The following VPS50 variants were observed in gnomAD, a reference collection of about 807,000 sequenced individuals.
The protein encoded by VPS50 is VPS50 subunit of EARP/GARPII complex.
A neutral mutation model predicts 139.7 loss-of-function variants in VPS50; 70 were observed. That is an observed-to-expected ratio of 0.50 (90% CI 0.41 to 0.61). VPS50 has a LOEUF of 0.61. Ranked by LOEUF, VPS50 falls within the 20% of genes least tolerant of loss-of-function variation. The pLI is 0.00. For missense variants in VPS50, 921 were observed against 1,133.7 expected (o/e 0.81, Z 2.69); for synonymous variants, 365 against 376.7 (o/e 0.97, Z 0.36).
At chr7:93,237,147 G>A (rs1794833332) in intron 1 of VPS50, among the ~76,000 whole-genome samples, 1 of 149,468 alleles carries the variant, frequency 6.7e-6, no homozygotes, top group African/African-American at 2.5e-5. Context: ...TAGTAGAGAC[G>A]GGGTTTCACT....
At position 93,252,648 on chromosome 7, in the gene VPS50, TAAAG is replaced by T; in HGVS notation, c.103-4_103-1del. 6.3e-7 allele frequency: 1 copy of T among 1,582,064 alleles called. No homozygotes were observed. The highest frequency in any genetic ancestry group is 1.4e-5 in the African/African-American group (1 of 73,586). ...TACTATAATTGTGATTTTTTTTTCT[TAAAG>T]GAAGAATTCAGGGAACTTCGAGAAC... On this transcript the variant is annotated splice_acceptor_variant and splice_polypyrimidine_tract_variant and intron_variant, in intron 2 of 27. Coordinates refer to ENST00000305866, the MANE Select transcript of VPS50 (RefSeq NM_017667.4). LOFTEE classifies it high-confidence loss of function.
chr7:93,258,594 T>A (rs1795564705), intron 8 of VPS50, among the ~76,000 whole-genome samples: 1 of 152,078 alleles, frequency 6.6e-6, no homozygotes, highest in Non-Finnish European at 1.5e-5. Flanking sequence ...GAAAAGCAAA[T>A]GTATTTGGGA....
At chr7:93,246,843 C>A (rs1795171155) in intron 2 of VPS50, among the ~76,000 whole-genome samples, 1 of 151,644 alleles carries the variant, frequency 6.6e-6, no homozygotes. Flanking sequence ...TAGCCTAGTT[C>A]CTTAGAAACC....
intron 2 of VPS50, among the ~76,000 whole-genome samples, chr7:93,242,805 T>A (rs1795034770): frequency 6.6e-6 from 1 of 151,858 alleles, no homozygotes; most frequent in Non-Finnish European, 1.5e-5. Context: ...TAGGTTAGTT[T>A]GGGTTCTGTT....
intron 21 of VPS50, among the ~76,000 whole-genome samples, chr7:93,331,775 A>G (rs184497177): frequency 6.1e-4 from 93 of 152,348 alleles, no homozygotes; most frequent in Middle Eastern, 3.4e-3. Flanking sequence ...CTAAAGAGGT[A>G]GAAATACGAA....
chr7:93,308,538 C>G (rs181783689), intron 18 of VPS50, among the ~76,000 whole-genome samples: 3 of 151,690 alleles, frequency 2.0e-5, no homozygotes. Context: ...AATGTATACT[C>G]TTTAGGCCTA....
chr7:93,312,490 A>G (rs757782943), intron 20 of VPS50, among the ~76,000 whole-genome samples: 15 of 152,176 alleles, frequency 9.9e-5, no homozygotes, highest in African/African-American at 3.6e-4. Context: ...TTCTATCATT[A>G]GACTGATCTC....
chr7:93,238,313 A>G (rs1422364997), intron 1 of VPS50, among the ~76,000 whole-genome samples: 1 of 149,474 alleles, frequency 6.7e-6, no homozygotes, highest in Non-Finnish European at 1.5e-5. Flanking sequence ...TTTTTTTTCC[A>G]GCGAGCATTC....
chr7:93,336,223 A>G (rs906092732), intron 22 of VPS50, among the ~76,000 whole-genome samples: 37 of 152,202 alleles, frequency 2.4e-4, no homozygotes, highest in Non-Finnish European at 5.1e-4. Flanking sequence ...TTTTTTGGTA[A>G]TTTTATTTTC....
At chr7:93,304,975 A>G (rs929528860) in intron 17 of VPS50, among the ~76,000 whole-genome samples, 11 of 151,960 alleles carry the variant, frequency 7.2e-5, no homozygotes, top group African/African-American at 2.7e-4. Flanking sequence ...ACAACAAGCC[A>G]ATGTACCTTT....
At chr7:93,347,467 C>G (rs1477964484) in intron 23 of VPS50, among the ~76,000 whole-genome samples, 2 of 110,116 alleles carry the variant, frequency 1.8e-5, no homozygotes, top group East Asian at 3.4e-4. Flanking sequence ...CCAGCCATCC[C>G]ATTACTGGGT....
intron 15 of VPS50, 68 bp downstream of exon 15, chr7:93,296,904 G>A: frequency 6.6e-7 from 1 of 1,506,212 alleles, no homozygotes; most frequent in Non-Finnish European, 8.8e-7. Context: ...ATGAGCTAGT[G>A]AGTTATCATC....
intron 1 of VPS50, among the ~76,000 whole-genome samples, chr7:93,237,641 A>C: frequency 6.6e-6 from 1 of 152,230 alleles, no homozygotes; most frequent in Non-Finnish European, 1.5e-5. Context: ...AAGCAAATCT[A>C]TACAGATGGT....
chr7:93,258,010 C>T, intron 6 of VPS50, 149 bp from the exon 7 acceptor site: 2 of 561,184 alleles, frequency 3.6e-6, no homozygotes, highest in East Asian at 3.0e-5. Context: ...TTTAGACTGG[C>T]CATTGAGTAC....
At chr7:93,333,959 T>A in intron 21 of VPS50, 158 bp from the exon 22 acceptor site, 1 of 590,354 alleles carries the variant, frequency 1.7e-6, no homozygotes, top group South Asian at 2.0e-5. Context: ...GAGATTTGAC[T>A]CCTTTGTTTG....
intron 22 of VPS50, among the ~76,000 whole-genome samples, chr7:93,336,670 C>T (rs1447801108): frequency 5.0e-4 from 76 of 152,208 alleles, no homozygotes; most frequent in Admixed American, 4.6e-3. Flanking sequence ...GTCACCACCA[C>T]GCCCGGCTAG....
chr7:93,299,642 T>C (rs1349004826), intron 16 of VPS50, among the ~76,000 whole-genome samples: 1 of 152,146 alleles, frequency 6.6e-6, no homozygotes, highest in Non-Finnish European at 1.5e-5. Flanking sequence ...TGGTGGAACA[T>C]CTACTTATGA....
At chr7:93,323,558 C>T in intron 20 of VPS50, 53 bp from the exon 21 acceptor site, 1 of 703,770 alleles carries the variant, frequency 1.4e-6, no homozygotes, top group Non-Finnish European at 2.1e-6. Context: ...TAATTATAGA[C>T]TAACAGATTT....
At chr7:93,254,068 C>G (rs896835473) in intron 4 of VPS50, 137 bp downstream of exon 4, 3 of 483,262 alleles carry the variant, frequency 6.2e-6, no homozygotes, top group Non-Finnish European at 1.1e-5. Flanking sequence ...ATGACTGATT[C>G]AAATGATGCA....
Sources: allele counts gnomAD v4.1 joint callset (sites outside exome capture counted in the v4.1 genomes callset), GRCh38; gene constraint gnomAD v4.1.1; transcripts MANE v1.5; gene names NCBI Gene and HGNC (gene_info 2026-07-23, HGNC 2026-07-21).